Variants in KCNIP4 observed in about 807,000 individuals in gnomAD.
The protein encoded by KCNIP4 is Kv channel-interacting protein 4.
In KCNIP4, 12 loss-of-function variants were observed where a neutral mutation model predicts 34.0. The observed-to-expected ratio is 0.35, with a 90% CI of 0.23 to 0.57. KCNIP4 has a LOEUF of 0.57. Among genes scored for constraint, KCNIP4 ranks in the 20% least tolerant of loss-of-function variants. KCNIP4 has a pLI of 0.83. For synonymous variants in KCNIP4, 124 were observed against 102.2 expected (o/e 1.21, Z -1.29); for missense variants, 238 against 311.7 (o/e 0.76, Z 1.78).
intron 1 of KCNIP4, among the ~76,000 whole-genome samples, chr4:20,899,130 C>T (rs1381214569): frequency 2.0e-5 from 3 of 151,966 alleles, no homozygotes; most frequent in Admixed American, 6.6e-5. Flanking sequence ...TGTTGATGTG[C>T]CAGTGTTATC....
chr4:21,652,354 G>GTACCA (rs1192249626), intron 1 of KCNIP4, among the ~76,000 whole-genome samples: 3 of 152,080 alleles, frequency 2.0e-5, no homozygotes, highest in Non-Finnish European at 2.9e-5. Context: ...ACCTCTTTTG[G>GTACCA]TACCATTTTG....
At chr4:21,817,396 T>A (rs576535988) in intron 1 of KCNIP4, among the ~76,000 whole-genome samples, 1 of 152,276 alleles carries the variant, frequency 6.6e-6, no homozygotes, top group Admixed American at 6.5e-5. Context: ...TACAAATTGA[T>A]TGTAAAACAT....
At chr4:21,124,535 C>T (rs1401403193) in intron 1 of KCNIP4, among the ~76,000 whole-genome samples, 1 of 152,082 alleles carries the variant, frequency 6.6e-6, no homozygotes, top group Non-Finnish European at 1.5e-5. Context: ...GCCCTCTTTC[C>T]TTCTTGAGTT....
chr4:21,900,859 G>A (rs1727666695), intron 1 of KCNIP4, among the ~76,000 whole-genome samples: 2 of 152,118 alleles, frequency 1.3e-5, no homozygotes, highest in Non-Finnish European at 2.9e-5. Flanking sequence ...GTGCATAAAT[G>A]TCACTTTAAT....
chr4:21,066,147 C>G (rs532575590), intron 1 of KCNIP4, among the ~76,000 whole-genome samples: 10 of 152,022 alleles, frequency 6.6e-5, no homozygotes, highest in African/African-American at 2.4e-4. Context: ...TCAACAACAC[C>G]GGTGGGAAAT....
chr4:21,564,358 C>T (rs1376753857), intron 1 of KCNIP4, among the ~76,000 whole-genome samples: 3 of 152,188 alleles, frequency 2.0e-5, no homozygotes, highest in South Asian at 4.2e-4. Context: ...ACCTATCCAG[C>T]CCTCCAACAC....
Position 20,971,474 on chromosome 4 carries a change from C to T in KCNIP4, c.62-88765G>A, listed in dbSNP as rs905189786. On this transcript the variant is annotated intron_variant, in intron 1 of 8. Coordinates refer to ENST00000382152, the MANE Select transcript of KCNIP4 (RefSeq NM_025221.6). ...AAGACAAATATCACAATCAAGCAAA[C>T]CATACTTTTTTTTTTGTTTTCCTGT... 2.1e-5 allele frequency among the ~76,000 whole-genome samples: 3 copies of T among 145,642 alleles called. No individual in the cohort carries two copies. The East Asian group carries it at 6.2e-4, about 30-fold the overall frequency.
intron 1 of KCNIP4, among the ~76,000 whole-genome samples, chr4:21,757,422 T>C (rs1022742331): frequency 2.0e-5 from 3 of 152,144 alleles, no homozygotes; most frequent in Non-Finnish European, 4.4e-5. Context: ...AATGATCAAG[T>C]ATCTATGTTC....
At chr4:21,764,610 C>T (rs1342984822) in intron 1 of KCNIP4, among the ~76,000 whole-genome samples, 1 of 152,088 alleles carries the variant, frequency 6.6e-6, no homozygotes, top group Non-Finnish European at 1.5e-5. Flanking sequence ...TCCCAGAAGA[C>T]ATGAGAGGGT....
chr4:21,747,880 A>G (rs1716878094), intron 1 of KCNIP4, among the ~76,000 whole-genome samples: 1 of 151,920 alleles, frequency 6.6e-6, no homozygotes, highest in Non-Finnish European at 1.5e-5. Context: ...AATGCAATGA[A>G]AGTGTTTTTA....
intron 1 of KCNIP4, chr4:21,763,119 C>G: frequency 7.8e-7 from 1 of 1,286,336 alleles, no homozygotes; most frequent in Non-Finnish European, 1.0e-6. Flanking sequence ...CACAGGTTCA[C>G]CAGACAATAA....
chr4:21,357,719 T>C (rs113016276), intron 1 of KCNIP4, among the ~76,000 whole-genome samples: 3,471 of 152,234 alleles, frequency 0.023, 143 homozygotes, highest in African/African-American at 0.08. Flanking sequence ...ACATTGTTGG[T>C]GGGAGTTTAA....
chr4:21,601,804 G>A (rs543328028), intron 1 of KCNIP4, among the ~76,000 whole-genome samples: 8 of 152,182 alleles, frequency 5.3e-5, no homozygotes, highest in African/African-American at 1.9e-4. Context: ...GAACCTTCCT[G>A]TAGCTTTTCC....
At chr4:21,131,283 T>C (rs960119770) in intron 1 of KCNIP4, among the ~76,000 whole-genome samples, 3 of 152,178 alleles carry the variant, frequency 2.0e-5, no homozygotes, top group Non-Finnish European at 2.9e-5. Flanking sequence ...TTTGAACATA[T>C]GGAGCCAATC....
chr4:21,914,932 A>C (rs1728542008), intron 1 of KCNIP4, among the ~76,000 whole-genome samples: 1 of 152,184 alleles, frequency 6.6e-6, no homozygotes, highest in African/African-American at 2.4e-5. Context: ...TTAGTAGTGA[A>C]GCTGCCAAGT....
At chr4:21,675,327 G>T (rs940567577) in intron 1 of KCNIP4, among the ~76,000 whole-genome samples, 2 of 152,076 alleles carry the variant, frequency 1.3e-5, no homozygotes, top group African/African-American at 4.8e-5. Context: ...AGGTGAGGAT[G>T]ATTAATGGGT....
intron 1 of KCNIP4, chr4:21,847,818 T>C (rs1446526751): frequency 3.3e-5 from 5 of 152,116 alleles, no homozygotes; most frequent in African/African-American, 1.2e-4. Flanking sequence ...TTTATGCTCA[T>C]CTCTATGTTC....
At chr4:21,019,832 A>T (rs190403792) in intron 1 of KCNIP4, among the ~76,000 whole-genome samples, 27 of 152,330 alleles carry the variant, frequency 1.8e-4, no homozygotes, top group African/African-American at 5.5e-4. Context: ...TATATAAAGT[A>T]GCATTATATG....
chr4:21,289,427 T>C (rs1763306870), intron 1 of KCNIP4, among the ~76,000 whole-genome samples: 1 of 152,168 alleles, frequency 6.6e-6, no homozygotes, highest in Non-Finnish European at 1.5e-5. Flanking sequence ...TCATTAACTA[T>C]CCCATAGCAT....
Sources: allele counts gnomAD v4.1 joint callset (sites outside exome capture counted in the v4.1 genomes callset), GRCh38; gene constraint gnomAD v4.1.1; transcripts MANE v1.5; gene names NCBI Gene and HGNC (gene_info 2026-07-23, HGNC 2026-07-21).